The following NRXN3 variants were observed in gnomAD, a reference collection of about 807,000 sequenced individuals.
The protein encoded by NRXN3 is neurexin III.
A neutral mutation model predicts 137.6 loss-of-function variants in NRXN3; 32 were observed. The ratio of observed to expected loss-of-function variants is 0.23; its 90% CI spans 0.18 to 0.31. The LOEUF is 0.31. Ranked by LOEUF, NRXN3 falls within the 10% of genes least tolerant of loss-of-function variation. The pLI is 1.00. For synonymous variants in NRXN3, 798 were observed against 784.5 expected, an observed-to-expected ratio of 1.02 and a Z score of -0.29; for missense variants, 1,574 against 2,062.5, an observed-to-expected ratio of 0.76 and a Z score of 4.59.
At chr14:79,257,721 GA>G (rs1002157357) in intron 15 of NRXN3, among the ~76,000 whole-genome samples, 2 of 150,970 alleles carry the variant, frequency 1.3e-5, no homozygotes, top group African/African-American at 2.4e-5. Flanking sequence ...AGACCAGAGG[GA>G]AAAAAATGAC....
At chr14:78,959,003 T>A (rs1000886648) in intron 11 of NRXN3, among the ~76,000 whole-genome samples, 1 of 152,248 alleles carries the variant, frequency 6.6e-6, no homozygotes, top group Non-Finnish European at 1.5e-5. Context: ...TCCTCATTTT[T>A]AAAATTGATA....
chr14:79,809,975 G>A (rs2099225894), intron 20 of NRXN3, among the ~76,000 whole-genome samples: 2 of 152,174 alleles, frequency 1.3e-5, no homozygotes, highest in South Asian at 4.1e-4. Flanking sequence ...AATGAATTCT[G>A]AAATTCAGAG....
At position 79,043,257 on chromosome 14, in the gene NRXN3, C is replaced by T. The variant is rs117500814; in HGVS notation, c.3262+55116C>T. ...GGCATCTTTATGGTTCATCAGTTTG[C>T]TCCCATCTACACCACCTGCCTATAA... On this transcript the variant is annotated intron_variant, in intron 15 of 20. Coordinates refer to ENST00000335750, the MANE Select transcript of NRXN3 (RefSeq NM_001330195.2). Among the ~76,000 whole-genome samples, 308 of 152,156 alleles carry T rather than the reference C, an allele frequency of 2.0e-3. 6 individuals are homozygous for T. In the East Asian group the frequency reaches 0.054, roughly 27 times the overall value.
chr14:79,551,813 TGG>T (rs2097375148), intron 16 of NRXN3, among the ~76,000 whole-genome samples: 3 of 152,310 alleles, frequency 2.0e-5, no homozygotes, highest in Admixed American at 2.0e-4. Context: ...CTAGTGTTTC[TGG>T]GCATGGCTGA....
At chr14:79,848,490 T>G (rs2099385076) in intron 20 of NRXN3, among the ~76,000 whole-genome samples, 1 of 152,160 alleles carries the variant, frequency 6.6e-6, no homozygotes, top group Admixed American at 6.6e-5. Context: ...TGTTAGTGTT[T>G]TTTTATGTGT....
chr14:78,374,045 A>G (rs1343123521), intron 4 of NRXN3, among the ~76,000 whole-genome samples: 1 of 152,194 alleles, frequency 6.6e-6, no homozygotes, highest in Non-Finnish European at 1.5e-5. Context: ...TGTAGGCATA[A>G]AAGTGGGGTT....
At position 78,935,522 on chromosome 14, in the gene NRXN3, A is replaced by G. The variant is rs374920334; in HGVS notation, c.2276-21720A>G. 5.3e-5 allele frequency among the ~76,000 whole-genome samples: 8 copies of G among 152,346 alleles called. No homozygotes were observed. The South Asian group carries it at 8.3e-4, about 16-fold the overall frequency. On this transcript the variant is annotated intron_variant, in intron 10 of 20. Coordinates refer to ENST00000335750, the MANE Select transcript of NRXN3 (RefSeq NM_001330195.2). ...CATACTGTAAAATCATCTCTAGATTACTTGTAATAAATAATACAATGAAAA... is the reference window on the plus strand; with the variant it reads ...CATACTGTAAAATCATCTCTAGATTGCTTGTAATAAATAATACAATGAAAA...
intron 15 of NRXN3, among the ~76,000 whole-genome samples, chr14:79,033,874 A>G (rs923033631): frequency 6.6e-6 from 1 of 152,112 alleles, no homozygotes; most frequent in African/African-American, 2.4e-5. Context: ...GGCATCAACC[A>G]TCACAAGTTG....
intron 19 of NRXN3, among the ~76,000 whole-genome samples, chr14:79,747,502 T>G (rs1411627009): frequency 6.6e-6 from 1 of 152,030 alleles, no homozygotes; most frequent in Non-Finnish European, 1.5e-5. Context: ...TGTTTCCCAA[T>G]TCAAAATATC....
rs2067321511 is a variant in NRXN3, at chr14:78,243,934, G to T, written c.709+132G>T. 1 of 674,544 alleles carries T rather than the reference G, an allele frequency of 1.5e-6. No individual in the cohort carries two copies. Among genetic ancestry groups the T allele is most frequent in the Non-Finnish European group, 2.5e-6 (1 of 402,734 alleles). The allele number at this position is 674,544 out of a possible 1,614,324, so 41.8% of individuals were successfully genotyped here. A position where few individuals can be genotyped will look rare whatever the true frequency, so the allele number is the denominator to read the frequency against. On this transcript the variant is annotated intron_variant, in intron 2 of 20. Transcript: ENST00000335750. The surrounding 1 kb of genome is among the most constrained non-coding windows in gnomAD (Gnocchi z 4.2). ...TAGATCACTGGGCCCCTTGCCCTAA[G>T]GAGGCAGTGGAAATCCTTTGCCTAC... is the stretch of plus-strand genomic sequence containing the variant.
At chr14:79,279,101 G>A (rs2080804980) in intron 15 of NRXN3, among the ~76,000 whole-genome samples, 1 of 152,222 alleles carries the variant, frequency 6.6e-6, no homozygotes, top group Non-Finnish European at 1.5e-5. Context: ...TAAAGAAGGC[G>A]CAGTGTCGGT....
At chr14:78,437,769 T>C (rs1010964317) in intron 4 of NRXN3, among the ~76,000 whole-genome samples, 3 of 152,200 alleles carry the variant, frequency 2.0e-5, no homozygotes, top group African/African-American at 7.2e-5. Context: ...AATTAGACTT[T>C]TGGGGTCAGA....
At chr14:79,713,947 A>G (rs1478613397) in intron 19 of NRXN3, among the ~76,000 whole-genome samples, 1 of 152,110 alleles carries the variant, frequency 6.6e-6, no homozygotes, top group Admixed American at 6.5e-5. Flanking sequence ...AATGTCAATC[A>G]ATATGTTTGC....
chr14:79,637,512 A>G (rs538102024), intron 16 of NRXN3, among the ~76,000 whole-genome samples: 1 of 151,912 alleles, frequency 6.6e-6, no homozygotes, highest in South Asian at 2.1e-4. Context: ...GAAAGGGGGG[A>G]ATCCTGCACA....
intron 19 of NRXN3, among the ~76,000 whole-genome samples, chr14:79,743,498 A>G (rs1320925134): frequency 1.3e-5 from 2 of 152,206 alleles, no homozygotes; most frequent in African/African-American, 2.4e-5. Flanking sequence ...TTGGGCTAAC[A>G]ATGAGAATGA....
At chr14:79,486,623 T>C (rs564245649) in intron 16 of NRXN3, among the ~76,000 whole-genome samples, 2 of 152,172 alleles carry the variant, frequency 1.3e-5, no homozygotes, top group Non-Finnish European at 2.9e-5. Context: ...ATTTTAGATA[T>C]GAAGATATGG....
intron 10 of NRXN3, among the ~76,000 whole-genome samples, chr14:78,855,180 C>A (rs1402833022): frequency 1.9e-4 from 28 of 148,780 alleles, no homozygotes; most frequent in East Asian, 1.8e-3. Context: ...AAAAAACATA[C>A]AAAAAAGGTA....
chr14:78,687,494 G>A (rs970567591), intron 6 of NRXN3, among the ~76,000 whole-genome samples: 7 of 152,188 alleles, frequency 4.6e-5, no homozygotes, highest in African/African-American at 9.7e-5. Context: ...TTGAGTATGC[G>A]AGGTGAGTAA....
intron 4 of NRXN3, among the ~76,000 whole-genome samples, chr14:78,445,093 T>C (rs1260754831): frequency 6.6e-6 from 1 of 152,128 alleles, no homozygotes; most frequent in African/African-American, 2.4e-5. Context: ...TGCGAACCAA[T>C]TAACTAAAAC....
Sources: allele counts gnomAD v4.1 joint callset (sites outside exome capture counted in the v4.1 genomes callset), GRCh38; gene constraint gnomAD v4.1.1; non-coding constraint Gnocchi (gnomAD v3.1); transcripts MANE v1.5; gene names NCBI Gene and HGNC (gene_info 2026-07-23, HGNC 2026-07-21).